The following ZMIZ1 variants were observed in gnomAD, a reference collection of about 807,000 sequenced individuals.
ZMIZ1 encodes the protein zinc finger MIZ domain-containing protein 1.
Under a neutral mutation model 113.9 loss-of-function variants are expected in ZMIZ1, and 17 were observed. That is an observed-to-expected ratio of 0.15 (90% CI 0.10 to 0.22). The LOEUF (loss-of-function observed/expected upper bound fraction) is 0.22, where lower values mean the gene tolerates loss of function less well. ZMIZ1 is among the 10% of genes least tolerant of loss of function. The pLI, the probability that ZMIZ1 is intolerant of heterozygous loss-of-function variation, is 1.00. For synonymous variants in ZMIZ1, 607 were observed against 603.1 expected, an observed-to-expected ratio of 1.01 and a Z score of -0.09; for missense variants, 1,059 against 1,477.8, an observed-to-expected ratio of 0.72 and a Z score of 4.65.
At chr10:79,208,311 G>C in intron 5 of ZMIZ1, 25 bp from the exon 6 acceptor site, 3 of 1,605,970 alleles carry the variant, frequency 1.9e-6, no homozygotes, top group Non-Finnish European at 2.6e-6. Context: ...TGGAGCCTCA[G>C]CCGCCTCCTT....
At chr10:79,143,870 C>A (rs116274058) in intron 3 of ZMIZ1, among the ~76,000 whole-genome samples, 28 of 152,142 alleles carry the variant, frequency 1.8e-4, no homozygotes, top group African/African-American at 6.5e-4. Flanking sequence ...AGAGTGAGTG[C>A]GGTCTGACAT....
At chr10:79,173,989 T>G (rs1373978802) in intron 4 of ZMIZ1, among the ~76,000 whole-genome samples, 1 of 152,194 alleles carries the variant, frequency 6.6e-6, no homozygotes, top group Non-Finnish European at 1.5e-5. Context: ...AGAATTTGTT[T>G]CCGATGGAGC....
intron 7 of ZMIZ1, among the ~76,000 whole-genome samples, chr10:79,227,674 C>T (rs922299534): frequency 2.0e-5 from 3 of 152,198 alleles, no homozygotes; most frequent in Non-Finnish European, 2.9e-5. Flanking sequence ...CATTCATGCT[C>T]TCTGAAATGC....
At chr10:79,103,043 G>A (rs572277209) in intron 1 of ZMIZ1, among the ~76,000 whole-genome samples, 2 of 152,268 alleles carry the variant, frequency 1.3e-5, no homozygotes, top group Admixed American at 6.5e-5. Flanking sequence ...TAGTAATGTC[G>A]AGCGATGTGT....
intron 9 of ZMIZ1, 131 bp downstream of exon 9, chr10:79,290,020 C>A: frequency 1.1e-6 from 1 of 916,014 alleles, no homozygotes; most frequent in Non-Finnish European, 1.6e-6. Flanking sequence ...CAGGGCACAC[C>A]CAGCTGTGGA....
chr10:79,092,768 G>A (rs1296111480), intron 1 of ZMIZ1, among the ~76,000 whole-genome samples: 2 of 152,194 alleles, frequency 1.3e-5, no homozygotes, highest in African/African-American at 4.8e-5. Flanking sequence ...CAAGGCATGT[G>A]CCTTTAAGTG....
At chr10:79,169,895 G>A (rs754698044) in intron 4 of ZMIZ1, among the ~76,000 whole-genome samples, 1 of 152,232 alleles carries the variant, frequency 6.6e-6, no homozygotes, top group Non-Finnish European at 1.5e-5. Flanking sequence ...TCAAACAGGA[G>A]CATCTGCTTG....
At chr10:79,222,605 G>C (rs916612104) in intron 7 of ZMIZ1, among the ~76,000 whole-genome samples, 5 of 152,186 alleles carry the variant, frequency 3.3e-5, no homozygotes, top group African/African-American at 1.2e-4. Flanking sequence ...ATCACAAGAG[G>C]GGGGCTGAGA....
chr10:79,093,140 AC>A (rs1843039269), intron 1 of ZMIZ1, among the ~76,000 whole-genome samples: 1 of 61,566 alleles, frequency 1.6e-5, no homozygotes, highest in African/African-American at 4.1e-5. Context: ...CCCCCAACAC[AC>A]ACACACACAC....
At chr10:79,258,973 A>G (rs187741000) in intron 7 of ZMIZ1, among the ~76,000 whole-genome samples, 1 of 152,314 alleles carries the variant, frequency 6.6e-6, no homozygotes, top group East Asian at 1.9e-4. Flanking sequence ...CTCCCAAGAT[A>G]AATGTGGCAG....
intron 17 of ZMIZ1, 84 bp downstream of exon 17, chr10:79,301,026 T>TGGA: frequency 6.5e-7 from 1 of 1,546,080 alleles, no homozygotes; most frequent in East Asian, 2.3e-5. Context: ...TGCCCCACTC[T>TGGA]GGTCCTCAGC....
chr10:79,299,212 G>A (rs377098783), intron 16 of ZMIZ1, 21 bp downstream of exon 16: 23 of 1,590,454 alleles, frequency 1.4e-5, no homozygotes, highest in African/African-American at 1.2e-4. Context: ...GGGCAGGGGC[G>A]CCAGCCCAGG....
chr10:79,300,179 C>T (rs948118449), intron 16 of ZMIZ1, among the ~76,000 whole-genome samples: 1 of 152,252 alleles, frequency 6.6e-6, no homozygotes, highest in Middle Eastern at 3.2e-3. Context: ...TGCTCACCCA[C>T]GCTCCTTAGC....
intron 7 of ZMIZ1, among the ~76,000 whole-genome samples, chr10:79,251,405 G>C (rs757959897): frequency 6.6e-6 from 1 of 152,106 alleles, no homozygotes; most frequent in Non-Finnish European, 1.5e-5. Flanking sequence ...CCTGCTCTAC[G>C]TGGTTCTCCT....
At chr10:79,072,711 A>G (rs887507448) in intron 1 of ZMIZ1, among the ~76,000 whole-genome samples, 1 of 152,138 alleles carries the variant, frequency 6.6e-6, no homozygotes. Context: ...CTACATTTTC[A>G]TTCATAACTT....
intron 7 of ZMIZ1, among the ~76,000 whole-genome samples, chr10:79,223,790 GTGGCCTGGCCTGGGCCAGGGGCCC>G (rs1486409403): frequency 3.9e-5 from 6 of 152,218 alleles, no homozygotes; most frequent in African/African-American, 7.2e-5. Flanking sequence ...GAACTGGTGG[GTGGCCTGGCCTGGGCCAGGGGCCC>G]TGGCCTCCGT....
intron 8 of ZMIZ1, among the ~76,000 whole-genome samples, chr10:79,286,472 C>T (rs1288005077): frequency 6.6e-6 from 1 of 152,262 alleles, no homozygotes; most frequent in African/African-American, 2.4e-5. Context: ...TCTGCTTCTG[C>T]AGCAGGTGCG....
intron 7 of ZMIZ1, among the ~76,000 whole-genome samples, chr10:79,272,681 G>C (rs1223490975): frequency 6.6e-6 from 1 of 152,226 alleles, no homozygotes; most frequent in African/African-American, 2.4e-5. Context: ...GAACACCTTG[G>C]TACTGTAGGT....
At chr10:79,132,216 G>A (rs924852192) in intron 2 of ZMIZ1, among the ~76,000 whole-genome samples, 4 of 152,184 alleles carry the variant, frequency 2.6e-5, no homozygotes, top group Non-Finnish European at 5.9e-5. Context: ...TTAGAGGCCG[G>A]CAGACTGAGT....
Sources: gnomAD v4.1 joint callset for allele counts (sites outside exome capture counted in the v4.1 genomes callset) on GRCh38, gnomAD v4.1.1 for gene constraint, MANE v1.5 for transcripts, NCBI Gene and HGNC (gene_info 2026-07-23, HGNC 2026-07-21) for gene names.